Variants in PRKCQ observed in about 807,000 individuals in gnomAD.
PRKCQ encodes the protein protein kinase C theta type.
In PRKCQ, 41 loss-of-function variants were observed where a neutral mutation model predicts 91.2. That is an observed-to-expected ratio of 0.45 (90% CI 0.35 to 0.58). The LOEUF is 0.58. Among genes scored for constraint, PRKCQ ranks in the 20% least tolerant of loss-of-function variants. The pLI is 0.00. For synonymous variants in PRKCQ, 307 were observed against 316.9 expected (o/e 0.97, Z 0.33); for missense variants, 673 against 896.5 (o/e 0.75, Z 3.18).
intron 1 of PRKCQ, among the ~76,000 whole-genome samples, chr10:6,573,554 G>A (rs562067343): frequency 1.3e-5 from 2 of 152,274 alleles, no homozygotes; most frequent in East Asian, 1.9e-4. Flanking sequence ...GCAAACGGCC[G>A]ATAGTGACAA....
chr10:6,511,951 A>C (rs974068196), intron 2 of PRKCQ, among the ~76,000 whole-genome samples: 1 of 151,670 alleles, frequency 6.6e-6, no homozygotes, highest in Non-Finnish European at 1.5e-5. Context: ...CTCTGGGTTT[A>C]AACACCTGAG....
chr10:6,503,907 G>C (rs1340722066), intron 4 of PRKCQ, among the ~76,000 whole-genome samples: 1 of 152,012 alleles, frequency 6.6e-6, no homozygotes, highest in African/African-American at 2.4e-5. Flanking sequence ...CTCTCAAGTA[G>C]GTGGGACTAC....
intron 1 of PRKCQ, among the ~76,000 whole-genome samples, chr10:6,563,375 C>T (rs973032665): frequency 6.6e-6 from 1 of 151,974 alleles, no homozygotes; most frequent in Non-Finnish European, 1.5e-5. Flanking sequence ...CTTCTGAGTC[C>T]AGGTCAGGGC....
Position 6,531,150 on chromosome 10 carries a change from G to A in PRKCQ, c.-9-16006C>T, listed in dbSNP as rs573705654. ...CCTGCAGCCCCACCCAGAGCTGCTGGGTGAGAAGCTCTGGGGTGAGGATGG... is the reference window on the plus strand; with the variant it reads ...CCTGCAGCCCCACCCAGAGCTGCTGAGTGAGAAGCTCTGGGGTGAGGATGG... On this transcript the variant is annotated intron_variant, in intron 1 of 17. Coordinates refer to ENST00000263125, the MANE Select transcript of PRKCQ (RefSeq NM_006257.5). Among the ~76,000 whole-genome samples, 12 of 151,502 alleles carry A rather than the reference G, an allele frequency of 7.9e-5. No individual in the cohort carries two copies. The South Asian group carries it at 2.1e-3, about 26-fold the overall frequency.
At chr10:6,565,538 A>G (rs1427992224) in intron 1 of PRKCQ, among the ~76,000 whole-genome samples, 4 of 152,210 alleles carry the variant, frequency 2.6e-5, no homozygotes, top group Non-Finnish European at 5.9e-5. Flanking sequence ...ATGCTTAGCA[A>G]TGTTCGCCTT....
chr10:6,568,632 G>C (rs988558610), intron 1 of PRKCQ, among the ~76,000 whole-genome samples: 1 of 151,526 alleles, frequency 6.6e-6, no homozygotes, highest in African/African-American at 2.4e-5. Flanking sequence ...CGAGTAGTTG[G>C]GACTACAGGC....
rs1330272019 is a variant in PRKCQ at position 6,479,797 on chromosome 10, C to CA, written c.1180-633_1180-632insT. On this transcript the variant is annotated intron_variant, in intron 11 of 17. Coordinates refer to ENST00000263125, the MANE Select transcript of PRKCQ (RefSeq NM_006257.5). The stretch of plus-strand genomic sequence containing the variant: ...AAAAAAAAAAAAAAAAAAAAAAAAT[C>CA]CAAAAATTAGCCGGGCATGGTGGTG... Among the ~76,000 whole-genome samples, 2 of 121,408 alleles carry CA rather than the reference C, an allele frequency of 1.6e-5. 1 individual carries two copies. The highest frequency in any genetic ancestry group is 3.4e-5 in the Non-Finnish European group (2 of 59,148). 79.6% of individuals were successfully genotyped at this position (121,408 alleles called of 152,430 possible).
At chr10:6,505,503 T>C (rs1176203870) in intron 4 of PRKCQ, among the ~76,000 whole-genome samples, 1 of 111,608 alleles carries the variant, frequency 9.0e-6, no homozygotes. Context: ...CCCTCCCTCC[T>C]CCTTCCTTCC....
Position 6,515,063 on chromosome 10 carries a change from C to G in PRKCQ, c.73G>C (p.Val25Leu). 6.2e-7 allele frequency: 1 copy of G among 1,613,746 alleles called. No individual in the cohort carries two copies. The highest frequency in any genetic ancestry group is 8.5e-7 in the Non-Finnish European group (1 of 1,179,934). Residue 25 changes from valine to leucine, a missense_variant, in exon 2 of 18, where the codon GTT (valine) becomes CTT (leucine). Transcript: ENST00000263125. ...ACGAGCACAGCACAGTAAGGGTTAA[C>G]AGCCTCGCCCTGACAAGACTGGCAG... ...GSCQSCQGEA[V>L]NPYCAVLVKE...
intron 1 of PRKCQ, among the ~76,000 whole-genome samples, chr10:6,551,377 A>C (rs1840177009): frequency 6.7e-6 from 1 of 148,870 alleles, no homozygotes; most frequent in South Asian, 2.1e-4. Flanking sequence ...GTGCATATGT[A>C]CCACATTTTC....
chr10:6,512,282 G>A (rs2130862022), intron 2 of PRKCQ: 1 of 152,256 alleles, frequency 6.6e-6, no homozygotes, highest in East Asian at 1.9e-4. Context: ...AGCAAAAGCT[G>A]ATGAGCAAGT....
At chr10:6,405,703 T>C in the PRKCQ span, among the ~76,000 whole-genome samples, 1 of 152,226 alleles carries the variant, frequency 6.6e-6, no homozygotes, top group Non-Finnish European at 1.5e-5. Context: ...TTCTTTATCC[T>C]GCTCTTTGCA....
intron 17 of PRKCQ, among the ~76,000 whole-genome samples, chr10:6,428,800 A>G (rs949514243): frequency 1.3e-5 from 2 of 152,072 alleles, no homozygotes; most frequent in South Asian, 2.1e-4. Context: ...GAATTTCACA[A>G]TTACATATTC....
intron 1 of PRKCQ, among the ~76,000 whole-genome samples, chr10:6,553,993 G>A (rs978181012): frequency 2.0e-4 from 31 of 151,316 alleles, no homozygotes; most frequent in East Asian, 9.7e-4. Flanking sequence ...ACAGAGTGTC[G>A]CAGACATCAA....
chr10:6,421,905 C>T, the PRKCQ span, among the ~76,000 whole-genome samples: 5 of 152,112 alleles, frequency 3.3e-5, no homozygotes, highest in East Asian at 1.9e-4. The surrounding 1 kb of genome is among the most constrained non-coding windows in gnomAD (Gnocchi z 4.1). Flanking sequence ...GGAGGGTAGT[C>T]GTTTAGTTTT....
chr10:6,544,775 C>A (rs559292031), intron 1 of PRKCQ, among the ~76,000 whole-genome samples: 2 of 152,152 alleles, frequency 1.3e-5, no homozygotes, highest in African/African-American at 4.8e-5. Context: ...CACGTACCAC[C>A]GCACCTGGCT....
intron 7 of PRKCQ, among the ~76,000 whole-genome samples, chr10:6,496,632 T>C (rs1277204720): frequency 6.6e-6 from 1 of 152,166 alleles, no homozygotes; most frequent in Non-Finnish European, 1.5e-5. Context: ...TTCCTGTATA[T>C]AATTTGTGTA....
At chr10:6,499,117 G>T (rs959808684) in intron 4 of PRKCQ, among the ~76,000 whole-genome samples, 1 of 152,170 alleles carries the variant, frequency 6.6e-6, no homozygotes, top group African/African-American at 2.4e-5. Context: ...GGGACATTGT[G>T]TCCTGGTTCC....
At chr10:6,413,605 C>G in the PRKCQ span, among the ~76,000 whole-genome samples, 370 of 62,412 alleles carry the variant, frequency 5.9e-3, 90 homozygotes, top group Middle Eastern at 0.037. Flanking sequence ...CACACACACA[C>G]ACTAGGAAGC....
Sources: gnomAD v4.1 joint callset for allele counts (sites outside exome capture counted in the v4.1 genomes callset) on GRCh38, gnomAD v4.1.1 for gene constraint, Gnocchi (gnomAD v3.1) non-coding constraint, MANE v1.5 for transcripts, NCBI Gene and HGNC (gene_info 2026-07-23, HGNC 2026-07-21) for gene names.